The following REPS1 variants were observed in gnomAD, a reference collection of about 807,000 sequenced individuals.
The protein encoded by REPS1 is ralBP1-associated Eps domain-containing protein 1.
REPS1 carries 39 observed loss-of-function variants against 100.9 expected under a neutral mutation model. The ratio of observed to expected loss-of-function variants is 0.39; its 90% CI spans 0.30 to 0.50. REPS1 has a LOEUF of 0.50. REPS1 is among the 20% of genes least tolerant of loss of function. The probability of loss-of-function intolerance (pLI) is 0.86; values close to 1 mark genes in which losing one functional copy is unlikely to be tolerated. For synonymous variants in REPS1, 324 were observed against 340.3 expected (o/e 0.95, Z 0.53); for missense variants, 821 against 968.5 (o/e 0.85, Z 2.02).
chr6:138,972,740 T>C (rs1010720510), intron 1 of REPS1, among the ~76,000 whole-genome samples: 2 of 151,822 alleles, frequency 1.3e-5, no homozygotes, highest in African/African-American at 4.8e-5. Context: ...TTGCTTAAAG[T>C]TATTAGCAAG....
intron 5 of REPS1, 36 bp downstream of exon 5, chr6:138,944,462 A>G: frequency 6.2e-7 from 1 of 1,601,568 alleles, no homozygotes; most frequent in South Asian, 1.1e-5. Flanking sequence ...CTCTGAATGA[A>G]GCAAATAAAA....
At chr6:138,916,123 A>G in intron 13 of REPS1, 147 bp from the exon 14 acceptor site, 1 of 691,332 alleles carries the variant, frequency 1.4e-6, no homozygotes, top group Non-Finnish European at 2.6e-6. Context: ...ACAATAAATT[A>G]AGATAGCACT....
chr6:138,944,518 T>C lies in REPS1; in HGVS notation c.733A>G (p.Met245Val), dbSNP rs1369539195. 1.9e-6 allele frequency: 3 copies of C among 1,613,868 alleles called. No homozygotes were observed. Among genetic ancestry groups the C allele is most frequent in the South Asian group, 1.1e-5 (1 of 91,062 alleles). Residue 245 changes from methionine to valine, a missense_variant, in exon 5 of 20, where the codon ATG (methionine) becomes GTG (valine). Around this residue, in one of 3 missense-constraint regions of REPS1, gnomAD observed 757 missense variants for 866.4 expected, o/e 0.87. Coordinates refer to ENST00000450536, the MANE Select transcript of REPS1 (RefSeq NM_001286611.2). ...CACACCTGGACAGAAGCAGGATGCA[T>C]GGTTAAAAGAGTACTGGTTGGTGGA... Reference protein sequence around the residue: ...DTPPTSTLLTMHPASVQDQTT... With the variant: ...DTPPTSTLLTVHPASVQDQTT...
In REPS1 at chr6:138,945,574, G is replaced by A. The variant is rs375562988; in HGVS notation, c.401C>T (p.Pro134Leu). 6.2e-7 allele frequency: 1 copy of A among 1,613,626 alleles called. No homozygotes were observed. Among genetic ancestry groups the A allele is most frequent in the Non-Finnish European group, 8.5e-7 (1 of 1,179,856 alleles). Residue 134 changes from proline (P) to leucine (L), a missense_variant, in exon 3 of 20, where the codon CCT becomes CTT. Physicochemically the swap from Pro to Leu is moderately conservative, Grantham distance 98 (BLOSUM62 -3). This residue lies in a region of REPS1 where 757 missense variants were observed against 866.4 expected (regional missense o/e 0.87). Transcript: ENST00000450536. ...TCCCTTTTTCACTTGCCCCCTGCCA[G>A]GTGGTGGGGGAATTACACCAGAATA... ...GSYSGVIPPP[P>L]GRGQVKKGSV...
intron 11 of REPS1, among the ~76,000 whole-genome samples, chr6:138,920,705 T>C (rs1213002408): frequency 6.6e-6 from 1 of 152,114 alleles, no homozygotes; most frequent in African/African-American, 2.4e-5. Flanking sequence ...TCAAGCAAAA[T>C]ATATAATTTC....
intron 7 of REPS1, among the ~76,000 whole-genome samples, chr6:138,942,889 G>A (rs1782357895): frequency 6.6e-6 from 1 of 151,570 alleles, no homozygotes; most frequent in Admixed American, 6.6e-5. Flanking sequence ...CCAGTAGTTG[G>A]GATTACAGGC....
intron 8 of REPS1, among the ~76,000 whole-genome samples, chr6:138,935,877 A>T (rs1391500697): frequency 2.8e-5 from 1 of 35,696 alleles, no homozygotes; most frequent in African/African-American, 7.8e-5. Context: ...GGCGCGGGGG[A>T]GTGGTGGCCA....
At chr6:138,979,974 T>A (rs888223539) in intron 1 of REPS1, among the ~76,000 whole-genome samples, 15 of 152,160 alleles carry the variant, frequency 9.9e-5, no homozygotes, top group African/African-American at 3.6e-4. Context: ...TCTTACAGGC[T>A]TCTGAGAACT....
At chr6:138,962,263 A>G (rs1287602878) in intron 1 of REPS1, among the ~76,000 whole-genome samples, 2 of 152,166 alleles carry the variant, frequency 1.3e-5, no homozygotes, top group Non-Finnish European at 2.9e-5. Context: ...AAGTTTCATG[A>G]AAGATAATCT....
chr6:138,947,680 A>T (rs1782730188), intron 2 of REPS1, 110 bp downstream of exon 2: 2 of 975,742 alleles, frequency 2.0e-6, no homozygotes, highest in African/African-American at 3.3e-5. Flanking sequence ...ACTTCACTCA[A>T]GGTCACAAAT....
At chr6:138,945,861 C>T (rs1393608936) in intron 2 of REPS1, among the ~76,000 whole-genome samples, 164 bp from the exon 3 acceptor site, 1 of 152,158 alleles carries the variant, frequency 6.6e-6, no homozygotes, top group African/African-American at 2.4e-5. Context: ...ATCTCCCTTA[C>T]ATTATTTAGG....
chr6:138,928,792 T>A (rs1439884258), intron 9 of REPS1: 1 of 149,118 alleles, frequency 6.7e-6, no homozygotes, highest in Non-Finnish European at 1.5e-5. Context: ...AAAATAGTAG[T>A]GTCTCAACAA....
chr6:138,913,531 A>G (rs1780153895), intron 15 of REPS1, among the ~76,000 whole-genome samples: 1 of 152,248 alleles, frequency 6.6e-6, no homozygotes, highest in Non-Finnish European at 1.5e-5. Flanking sequence ...TTATACTCTA[A>G]TAAAGCTGAC....
At chr6:138,915,018 T>C (rs1242840396) in intron 14 of REPS1, 3 of 422,460 alleles carry the variant, frequency 7.1e-6, no homozygotes, top group African/African-American at 4.2e-5. Flanking sequence ...ATTCCCATAA[T>C]AGCAAACAAT....
chr6:138,981,061 T>C (rs1388552547), intron 1 of REPS1, among the ~76,000 whole-genome samples: 1 of 152,222 alleles, frequency 6.6e-6, no homozygotes. Context: ...TAAGATGAGC[T>C]TGACTCAATT....
intron 15 of REPS1, among the ~76,000 whole-genome samples, 156 bp from the exon 16 acceptor site, chr6:138,913,106 A>G (rs933646202): frequency 6.6e-6 from 1 of 152,196 alleles, no homozygotes; most frequent in African/African-American, 2.4e-5. Context: ...TTAGCTCTAA[A>G]GAAATGATTA....
chr6:138,925,020 C>A (rs973973495), intron 10 of REPS1, among the ~76,000 whole-genome samples: 1 of 152,022 alleles, frequency 6.6e-6, no homozygotes, highest in African/African-American at 2.4e-5. Context: ...GTAACAGCAG[C>A]CTCTAGATTT....
chr6:138,922,104 A>C (rs1194398051), intron 10 of REPS1, among the ~76,000 whole-genome samples: 1 of 152,210 alleles, frequency 6.6e-6, no homozygotes, highest in East Asian at 1.9e-4. Context: ...TGAGCCTTGA[A>C]GTTAAAATAA....
At chr6:138,924,581 T>C (rs1173223441) in intron 10 of REPS1, among the ~76,000 whole-genome samples, 2 of 152,184 alleles carry the variant, frequency 1.3e-5, no homozygotes, top group African/African-American at 4.8e-5. Flanking sequence ...TTTTAAGGGT[T>C]AGAGAATATA....
Sources: gnomAD v4.1 joint callset for allele counts (sites outside exome capture counted in the v4.1 genomes callset) on GRCh38, gnomAD v4.1.1 for gene constraint, gnomAD v4.1.1 regional missense constraint, MANE v1.5 for transcripts, NCBI Gene and HGNC (gene_info 2026-07-23, HGNC 2026-07-21) for gene names.